CDON: variants seen among roughly 807,000 people sequenced by gnomAD.
CDON encodes the protein cell adhesion associated, oncogene regulated.
A neutral mutation model predicts 120.9 loss-of-function variants in CDON; 73 were observed. The observed-to-expected ratio is 0.60, with a 90% confidence interval of 0.50 to 0.73. The LOEUF (loss-of-function observed/expected upper bound fraction) is 0.73. CDON is among the 30% of genes least tolerant of loss of function. The pLI, the probability that CDON is intolerant of heterozygous loss-of-function variation, is 0.00. For missense variants in CDON, 1,470 were observed against 1,587.3 expected, an observed-to-expected ratio of 0.93 and a Z score of 1.26; for synonymous variants, 566 against 573.5, an observed-to-expected ratio of 0.99 and a Z score of 0.19.
At chr11:126,053,249 T>C (rs1401805165) in intron 1 of CDON, among the ~76,000 whole-genome samples, 2 of 152,200 alleles carry the variant, frequency 1.3e-5, no homozygotes, top group Non-Finnish European at 2.9e-5. Context: ...AGGTAAATCA[T>C]GGGTACAACA....
intron 1 of CDON, among the ~76,000 whole-genome samples, chr11:126,028,461 T>A (rs1452346362): frequency 1.3e-5 from 2 of 152,114 alleles, no homozygotes; most frequent in Non-Finnish European, 2.9e-5. Flanking sequence ...CCTCCCAGGT[T>A]CAAGCGACTC....
At chr11:126,046,749 C>A (rs145928963) in intron 1 of CDON, among the ~76,000 whole-genome samples, 19 of 152,186 alleles carry the variant, frequency 1.2e-4, no homozygotes, top group Admixed American at 1.0e-3. Flanking sequence ...AGAAACAAAA[C>A]GGGAGTGTCT....
At chr11:126,040,284 A>G (rs1383450827) in intron 1 of CDON, among the ~76,000 whole-genome samples, 1 of 152,176 alleles carries the variant, frequency 6.6e-6, no homozygotes, top group African/African-American at 2.4e-5. Context: ...ATTAACCACT[A>G]GTTTGTCAGT....
At position 125,981,065 on chromosome 11, in the gene CDON, G is replaced by A; in HGVS notation, c.3260C>T (p.Pro1087Leu). 4 of 1,614,112 alleles carry A rather than the reference G, an allele frequency of 2.5e-6. No individual in the cohort carries two copies. The highest frequency in any genetic ancestry group is 3.4e-6 in the Non-Finnish European group (4 of 1,180,006). Residue 1087 changes from proline (P) to leucine (L), a missense_variant, in exon 17 of 20, where the codon CCT becomes CTT. Physicochemically the swap from Pro to Leu is moderately conservative, Grantham distance 98. Transcript: ENST00000531738. ...GTCTCTTACATTCACTAGATGATGA[G>A]GATGTTCAAAATCCACGTGTGTCCT... The part of the protein sequence containing the change: ...LTRTHVDFEH[P>L]HHLVNGGGMY...
At chr11:125,993,507 G>C (rs1946691993) in intron 14 of CDON, among the ~76,000 whole-genome samples, 1 of 152,174 alleles carries the variant, frequency 6.6e-6, no homozygotes, top group African/African-American at 2.4e-5. Flanking sequence ...ACCCTCTCAT[G>C]CAAATGAGAG....
At chr11:125,962,099 C>CTCTT in intron 18 of CDON, 101 bp from the exon 19 acceptor site, 3 of 911,988 alleles carry the variant, frequency 3.3e-6, no homozygotes, top group African/African-American at 1.6e-5. Context: ...TATTCACAGA[C>CTCTT]TCTTAAGAAA....
intron 1 of CDON, among the ~76,000 whole-genome samples, chr11:126,039,844 G>T (rs1452126466): frequency 6.6e-6 from 1 of 152,080 alleles, no homozygotes; most frequent in East Asian, 1.9e-4. Flanking sequence ...ACCTTGCTGG[G>T]AAGCTGATGT....
chr11:125,984,030 A>G lies in CDON; in HGVS notation c.2837T>C (p.Leu946Ser), dbSNP rs778246839. 34 of 1,613,980 alleles carry G rather than the reference A, an allele frequency of 2.1e-5. No individual in the cohort carries two copies. The highest frequency in any genetic ancestry group is 2.8e-5 in the Non-Finnish European group (33 of 1,179,986). ...AGGCCCCACATTTCCTCCACTTCCC[A>G]AAGAATTTGGAGGGGTACTCAAGTC... ...VKDLSTPPNS[L>S]GSGGNVGPAT... is the part of the protein sequence containing the mutation. Residue 946 changes from leucine to serine, a missense_variant, in exon 16 of 20, where the codon TTG becomes TCG. Physicochemically the swap from Leu to Ser is moderately radical, Grantham distance 145. Coordinates refer to ENST00000531738, the MANE Select transcript of CDON (RefSeq NM_001378964.1).
intron 1 of CDON, among the ~76,000 whole-genome samples, chr11:126,040,590 C>A (rs1274659010): frequency 2.0e-5 from 3 of 151,618 alleles, no homozygotes; most frequent in East Asian, 3.9e-4. Context: ...CCGAGGTGGG[C>A]GGATCACAAG....
intron 7 of CDON, 83 bp downstream of exon 7, chr11:126,015,158 T>C: frequency 7.4e-7 from 1 of 1,351,716 alleles, no homozygotes. Flanking sequence ...TTTCTTTTAG[T>C]AAAAATAATT....
At position 125,978,524 on chromosome 11, in the gene CDON, A is replaced by T. The variant is rs636641; in HGVS notation, c.3277-141T>A. 7 of 686,560 alleles carry T rather than the reference A, an allele frequency of 1.0e-5. No homozygotes were observed. The East Asian group carries it at 1.6e-4, about 16-fold the overall frequency. 42.5% of individuals were successfully genotyped at this position (686,560 alleles called of 1,614,324 possible). A position where few individuals can be genotyped will look rare whatever the true frequency, so the allele number is the denominator to read the frequency against. The stretch of plus-strand genomic sequence containing the variant: ...ACACAGTATATTCTAACCAACTCCC[A>T]GAGCAACGTCATTGTGAATATCACT... On this transcript the variant is annotated intron_variant, in intron 17 of 19. Coordinates refer to ENST00000531738, the MANE Select transcript of CDON (RefSeq NM_001378964.1).
In CDON at chr11:126,021,227, C is replaced by T. The variant is rs1443527869; in HGVS notation, c.349+21G>A. 1.9e-6 allele frequency: 3 copies of T among 1,612,974 alleles called. No individual in the cohort carries two copies. In the South Asian group the frequency reaches 3.3e-5, roughly 18 times the overall value. On this transcript the variant is annotated intron_variant, in intron 3 of 19. Coordinates refer to ENST00000531738, the MANE Select transcript of CDON (RefSeq NM_001378964.1). ...TAATTTCAAGAAAACCCATACCTAA[C>T]AGGGACAAAATTAAACTCACCTGCC...
Position 125,997,326 on chromosome 11 carries a change from C to A in CDON, c.2243G>T (p.Gly748Val), listed in dbSNP as rs1454472731. The A allele has an allele frequency of 3.1e-6, 5 of 1,613,852 alleles. No individual in the cohort carries two copies. Among genetic ancestry groups the A allele is most frequent in the Non-Finnish European group, 4.2e-6 (5 of 1,179,896 alleles). The change falls in exon 12 of 20, where the codon GGT (glycine) becomes GTT (valine). Residue 748 changes from glycine to valine, a missense_variant. Transcript: ENST00000531738. ...GACTTTGAAGGCAGTGATTGGAGAA[C>A]CCCCGTTTGCCCGAGGAATCCAAGT... ...YVTWIPRANG[G>V]SPITAFKVEY...
At chr11:125,971,414 T>TAAATAAATAAATAAA (rs377328170) in intron 18 of CDON, among the ~76,000 whole-genome samples, 68 of 123,742 alleles carry the variant, frequency 5.5e-4, no homozygotes, top group Middle Eastern at 4.1e-3. Flanking sequence ...AAATAAATAA[T>TAAATAAATAAATAAA]AATAATTAAT....
At chr11:126,026,501 C>A (rs146917935) in intron 1 of CDON, among the ~76,000 whole-genome samples, 117 of 152,334 alleles carry the variant, frequency 7.7e-4, no homozygotes, top group African/African-American at 2.5e-3. Flanking sequence ...GGTAGTAATA[C>A]AGAGGAAGGC....
chr11:126,017,121 C>A lies in CDON; in HGVS notation c.895G>T (p.Val299Leu). 1 of 1,614,174 alleles carries A rather than the reference C, an allele frequency of 6.2e-7. No homozygotes were observed. Among genetic ancestry groups the A allele is most frequent in the Non-Finnish European group, 8.5e-7 (1 of 1,180,008 alleles). Residue 299 changes from valine (V) to leucine (L), a missense_variant, in exon 6 of 20, where the codon GTA becomes TTA. Coordinates refer to ENST00000531738, the MANE Select transcript of CDON (RefSeq NM_001378964.1). ...SCMAGNKSGD[V>L]KYVTYMVNVL... is the part of the protein sequence containing the mutation. ...TTAACCATGTAAGTCACATATTTTA[C>A]ATCTCCAGACTTGTTTCCCGCCATG...
At chr11:126,039,758 C>A (rs1255900635) in intron 1 of CDON, among the ~76,000 whole-genome samples, 1 of 152,122 alleles carries the variant, frequency 6.6e-6, no homozygotes, top group Non-Finnish European at 1.5e-5. Flanking sequence ...TTCTGCCACT[C>A]AAAAAGACCC....
chr11:126,002,506 A>G (rs1446915905), intron 10 of CDON, among the ~76,000 whole-genome samples: 1 of 152,172 alleles, frequency 6.6e-6, no homozygotes, highest in Non-Finnish European at 1.5e-5. Context: ...CCATACTAAA[A>G]TACTCTTCCA....
Position 125,989,700 on chromosome 11 carries a change from T to C in CDON, c.2710A>G (p.Met904Val). Reference protein sequence around the residue: ...LQPETSYDIKMQCFNEGGESE... With the variant: ...LQPETSYDIKVQCFNEGGESE... The stretch of plus-strand genomic sequence containing the variant: ...TCTCCTCCTTCATTGAAGCATTGCA[T>C]TTTAATGTCATAGGAGGTTTCTGGC... Residue 904 changes from methionine to valine, a missense_variant, in exon 15 of 20, where the codon ATG becomes GTG. Coordinates refer to ENST00000531738, the MANE Select transcript of CDON (RefSeq NM_001378964.1). 2 of 1,612,784 alleles carry C rather than the reference T, an allele frequency of 1.2e-6. No homozygotes were observed. The highest frequency in any genetic ancestry group is 2.2e-5 in the South Asian group (2 of 91,054).
Sources: allele counts gnomAD v4.1 joint callset (sites outside exome capture counted in the v4.1 genomes callset), GRCh38; gene constraint gnomAD v4.1.1; transcripts MANE v1.5; gene names NCBI Gene and HGNC (gene_info 2026-07-23, HGNC 2026-07-21).